FSTL5: variants seen among roughly 807,000 people sequenced by gnomAD.
FSTL5 encodes follistatin like 5, also known as follistatin-related protein 5.
Under a neutral mutation model 89.1 loss-of-function variants are expected in FSTL5, and 62 were observed. That is an observed-to-expected ratio of 0.70 (90% CI 0.57 to 0.86). The LOEUF is 0.86. Ranked by LOEUF, FSTL5 falls within the 40% of genes least tolerant of loss-of-function variation. The pLI is 0.00. For missense variants in FSTL5, 1,057 were observed against 1,001.6 expected, an observed-to-expected ratio of 1.06 and a Z score of -0.75; for synonymous variants, 383 against 346.2, an observed-to-expected ratio of 1.11 and a Z score of -1.18.
chr4:161,399,980 A>T (rs1194855125), intron 15 of FSTL5, among the ~76,000 whole-genome samples: 1 of 152,134 alleles, frequency 6.6e-6, no homozygotes, highest in Non-Finnish European at 1.5e-5. Flanking sequence ...TTAACTTCTT[A>T]TAATAGATTT....
chr4:161,415,490 G>A (rs916755106), intron 15 of FSTL5, among the ~76,000 whole-genome samples: 1 of 151,920 alleles, frequency 6.6e-6, no homozygotes, highest in East Asian at 1.9e-4. Flanking sequence ...CCTAACCTCA[G>A]GTGATCCACC....
At chr4:161,980,156 A>G (rs1735778260) in intron 3 of FSTL5, among the ~76,000 whole-genome samples, 1 of 147,282 alleles carries the variant, frequency 6.8e-6, no homozygotes, top group Admixed American at 6.7e-5. Flanking sequence ...GGATAAAGAT[A>G]AAGAAAGAAA....
At chr4:161,590,159 A>G (rs1322371305) in intron 7 of FSTL5, among the ~76,000 whole-genome samples, 1 of 152,214 alleles carries the variant, frequency 6.6e-6, no homozygotes, top group East Asian at 1.9e-4. Flanking sequence ...GAGATACCCT[A>G]TAGAGGAGAG....
chr4:161,509,505 A>G (rs1730588253), intron 11 of FSTL5, among the ~76,000 whole-genome samples: 1 of 152,102 alleles, frequency 6.6e-6, no homozygotes, highest in South Asian at 2.1e-4. Flanking sequence ...TAAGAGAGAA[A>G]AAAAAAATAA....
At chr4:161,408,659 G>C (rs1055836610) in intron 15 of FSTL5, among the ~76,000 whole-genome samples, 24 of 152,168 alleles carry the variant, frequency 1.6e-4, no homozygotes, top group Admixed American at 9.8e-4. Context: ...TTAAAACTCT[G>C]TCCAAGGAAG....
intron 4 of FSTL5, among the ~76,000 whole-genome samples, chr4:161,868,996 C>A (rs1408282643): frequency 6.6e-6 from 1 of 151,984 alleles, no homozygotes; most frequent in South Asian, 2.1e-4. Flanking sequence ...ACGAGAGAGG[C>A]GGATCACCTG....
At chr4:161,571,968 A>C (rs923312073) in intron 8 of FSTL5, among the ~76,000 whole-genome samples, 1 of 152,066 alleles carries the variant, frequency 6.6e-6, no homozygotes. Flanking sequence ...CAATAAACGT[A>C]TTTCCTCTTC....
chr4:161,792,378 G>C lies in FSTL5; in HGVS notation c.410-16304C>G, dbSNP rs117282876. On this transcript the variant is annotated intron_variant, in intron 4 of 15. Coordinates refer to ENST00000306100, the MANE Select transcript of FSTL5 (RefSeq NM_020116.5). ...CCTGGGTGCATGGACACCATGGATG[G>C]CAGGTTGATGACGGCAAAAGGCAGG... is the stretch of plus-strand genomic sequence containing the variant. 9.8e-3 allele frequency among the ~76,000 whole-genome samples: 1,499 copies of C among 152,252 alleles called. 21 individuals are homozygous for C. The highest frequency in any genetic ancestry group is 0.03 in the East Asian group (154 of 5,138).
intron 8 of FSTL5, among the ~76,000 whole-genome samples, chr4:161,543,814 C>T (rs1731915028): frequency 6.6e-6 from 1 of 151,894 alleles, no homozygotes; most frequent in Non-Finnish European, 1.5e-5. Context: ...CAGAAGAAAA[C>T]ATTGAGTAAA....
intron 8 of FSTL5, among the ~76,000 whole-genome samples, chr4:161,580,434 G>A (rs145000180): frequency 6.6e-6 from 1 of 152,126 alleles, no homozygotes; most frequent in Non-Finnish European, 1.5e-5. Context: ...GGTTCAACTA[G>A]TTTTGATTTG....
intron 4 of FSTL5, among the ~76,000 whole-genome samples, chr4:161,868,300 A>G (rs967492572): frequency 5.3e-5 from 8 of 151,904 alleles, no homozygotes; most frequent in Admixed American, 5.2e-4. Context: ...CTGGCTTTCT[A>G]TTTATCAGTA....
Position 161,538,099 on chromosome 4 carries a change from TAA to T in FSTL5, c.1312+65_1312+66del. The T allele has an allele frequency of 2.0e-6, 3 of 1,525,040 alleles. No individual in the cohort carries two copies. In the Admixed American group the frequency reaches 5.4e-5, roughly 27 times the overall value. The allele number at this position is 1,525,040 out of a possible 1,614,324, so 94.5% of individuals were successfully genotyped here. A position where few individuals can be genotyped will look rare whatever the true frequency, so the allele number is the denominator to read the frequency against. ...ACAGTTTTCTGGTGCCTTTACTTTTTAAAAAAAGCTGTAAAAAAGTACGTTGA... is the reference window on the plus strand; with the variant it reads ...ACAGTTTTCTGGTGCCTTTACTTTTTAAAAAGCTGTAAAAAAGTACGTTGA... On this transcript the variant is annotated intron_variant, in intron 10 of 15. Transcript: ENST00000306100.
chr4:162,103,409 G>A (rs1731079586), intron 2 of FSTL5, among the ~76,000 whole-genome samples: 1 of 152,286 alleles, frequency 6.6e-6, no homozygotes, highest in African/African-American at 2.4e-5. Flanking sequence ...TTAAGCAAAT[G>A]TATTTAGTGG....
intron 10 of FSTL5, among the ~76,000 whole-genome samples, chr4:161,536,950 A>C (rs1731640327): frequency 6.6e-6 from 1 of 152,190 alleles, no homozygotes; most frequent in African/African-American, 2.4e-5. Context: ...GTACCACATA[A>C]AAGGAATAGA....
intron 4 of FSTL5, among the ~76,000 whole-genome samples, chr4:161,900,913 T>A (rs1733343485): frequency 6.6e-6 from 1 of 152,110 alleles, no homozygotes; most frequent in Admixed American, 6.6e-5. Context: ...ATATCAGTAC[T>A]GTTTAACTTT....
chr4:161,862,583 T>A (rs1032625146), intron 4 of FSTL5, among the ~76,000 whole-genome samples: 1 of 151,950 alleles, frequency 6.6e-6, no homozygotes, highest in African/African-American at 2.4e-5. Flanking sequence ...AAATACAAAA[T>A]TAGCTGGGTG....
At chr4:161,634,682 T>C (rs1044142904) in intron 7 of FSTL5, among the ~76,000 whole-genome samples, 4 of 152,116 alleles carry the variant, frequency 2.6e-5, no homozygotes, top group Admixed American at 6.5e-5. Flanking sequence ...ATGTGGAATG[T>C]AAAAAAGCTG....
At chr4:161,421,196 CCGGGCGTGG>C (rs1731979364) in intron 15 of FSTL5, among the ~76,000 whole-genome samples, 1 of 151,938 alleles carries the variant, frequency 6.6e-6, no homozygotes, top group African/African-American at 2.4e-5. Context: ...AAAACATTAG[CCGGGCGTGG>C]TGGTGTGCAC....
intron 8 of FSTL5, among the ~76,000 whole-genome samples, chr4:161,565,426 G>C (rs554438118): frequency 6.6e-6 from 1 of 151,238 alleles, no homozygotes; most frequent in African/African-American, 2.4e-5. Context: ...TGTTTTTGAG[G>C]GAAAAAATGC....
Sources: allele counts gnomAD v4.1 joint callset (sites outside exome capture counted in the v4.1 genomes callset), GRCh38; gene constraint gnomAD v4.1.1; transcripts MANE v1.5; gene names NCBI Gene and HGNC (gene_info 2026-07-23, HGNC 2026-07-21).